Variants in UNC45B observed in about 807,000 individuals in gnomAD.
The protein encoded by UNC45B is protein unc-45 homolog B.
A neutral mutation model predicts 98.7 loss-of-function variants in UNC45B; 78 were observed. That is an observed-to-expected ratio of 0.79 (90% CI 0.66 to 0.95). The LOEUF is 0.95. UNC45B is among the 40% of genes least tolerant of loss of function. The pLI is 0.00. For missense variants in UNC45B, 1,225 were observed against 1,184.9 expected (o/e 1.03, Z -0.50); for synonymous variants, 462 against 480.4 (o/e 0.96, Z 0.50).
intron 2 of UNC45B, 124 bp downstream of exon 2, chr17:35,148,555 T>G: frequency 8.7e-7 from 1 of 1,152,334 alleles, no homozygotes; most frequent in East Asian, 2.6e-5. Context: ...TGCCTGGGGT[T>G]GGAGAAGGGT....
chr17:35,168,808 G>A (rs1354028285), intron 10 of UNC45B, among the ~76,000 whole-genome samples: 2 of 152,018 alleles, frequency 1.3e-5, no homozygotes, highest in East Asian at 1.9e-4. Flanking sequence ...CCAGGTTCAG[G>A]TGACTCTTGT....
Position 35,169,920 on chromosome 17 carries a change from A to G in UNC45B, c.1536A>G (p.Lys512=). Residue 512 remains lysine, a synonymous_variant, in exon 11 of 20, where the codon AAA becomes AAG. Transcript: ENST00000394570. ...FAEGSTEKLA[K]QCRKWLCNMS... ...AAGGGTCGACAGAAAAACTGGCCAA[A>G]CAGTGTCGCAAGTAAGGGGGCTGTG... 1 of 1,614,112 alleles carries G rather than the reference A, an allele frequency of 6.2e-7. No individual in the cohort carries two copies. The highest frequency in any genetic ancestry group is 8.5e-7 in the Non-Finnish European group (1 of 1,179,990).
chr17:35,152,641 T>A (rs2092028603), intron 4 of UNC45B, among the ~76,000 whole-genome samples: 1 of 152,262 alleles, frequency 6.6e-6, no homozygotes, highest in Non-Finnish European at 1.5e-5. Context: ...ACTATTGTGA[T>A]GTCTAAATGG....
In UNC45B at chr17:35,150,199, A is replaced by T; in HGVS notation, c.357A>T (p.Arg119Ser). The T allele has an allele frequency of 6.2e-7, 1 of 1,612,152 alleles. No homozygotes were observed. Among genetic ancestry groups the T allele is most frequent in the Non-Finnish European group, 8.5e-7 (1 of 1,179,000 alleles). ...AGAACTTCCAGGAGATGCTGAGGAG[A>T]CTCAACACCAGCATTCAGGAGAAGG... ...RNQNFQEMLR[R>S]LNTSIQEKLR... Residue 119 changes from arginine (R) to serine (S), a missense_variant, in exon 4 of 20, where the codon AGA becomes AGT. By Grantham distance (110) the Arg-to-Ser change is moderately radical. Transcript: ENST00000394570.
chr17:35,159,685 A>C, intron 8 of UNC45B, 140 bp downstream of exon 8: 1 of 947,370 alleles, frequency 1.1e-6, no homozygotes, highest in South Asian at 1.9e-5. Flanking sequence ...TTGGCCCATC[A>C]GGATCCACCA....
At chr17:35,184,000 C>T (rs927474101) in intron 19 of UNC45B, among the ~76,000 whole-genome samples, 3 of 152,322 alleles carry the variant, frequency 2.0e-5, no homozygotes, top group Non-Finnish European at 4.4e-5. Flanking sequence ...TCCTATGAGA[C>T]TGTGGCCATT....
intron 18 of UNC45B, among the ~76,000 whole-genome samples, chr17:35,182,778 C>T (rs1597937942): frequency 6.6e-6 from 1 of 152,056 alleles, no homozygotes; most frequent in South Asian, 2.1e-4. Flanking sequence ...TGGAGTTCCA[C>T]TTCTAGGAAA....
chr17:35,177,122 G>A lies in UNC45B; in HGVS notation c.2131G>A (p.Gly711Arg), dbSNP rs770178472. The A allele has an allele frequency of 6.8e-6, 11 of 1,614,056 alleles. No individual in the cohort carries two copies. In the Admixed American group the frequency reaches 1.8e-4, roughly 27 times the overall value. Residue 711 changes from glycine to arginine, a missense_variant, in exon 16 of 20, where the codon GGG (glycine) becomes AGG (arginine). Transcript: ENST00000394570. Reference protein sequence around the residue: ...AVSNPDIAFPGERVYEVVRPL... With the variant: ...AVSNPDIAFPRERVYEVVRPL... Reference sequence around the variant, plus strand: ...CTCCAATCCGGACATTGCTTTTCCTGGGGAGCGGGTAGGTGCTTGGGTAGA... The same window carrying A: ...CTCCAATCCGGACATTGCTTTTCCTAGGGAGCGGGTAGGTGCTTGGGTAGA...
intron 7 of UNC45B, among the ~76,000 whole-genome samples, chr17:35,159,138 T>C (rs2092083770): frequency 6.6e-6 from 1 of 152,166 alleles, no homozygotes; most frequent in Non-Finnish European, 1.5e-5. Flanking sequence ...AAGGATGGAA[T>C]GAGCTGTTGT....
In UNC45B at chr17:35,168,208, G is replaced by A; in HGVS notation, c.1299G>A (p.Glu433=). ...MEMMVALCGS[E]RETDQLVAVE... is the part of the protein sequence containing the mutation. Reference sequence around the variant, plus strand: ...TGATGGTGGCACTATGTGGCTCAGAGCGCGAGACGGACCAGCTGGTGGCCG... The same window carrying A: ...TGATGGTGGCACTATGTGGCTCAGAACGCGAGACGGACCAGCTGGTGGCCG... The change falls in exon 10 of 20, where the codon GAG becomes GAA. Residue 433 remains glutamate, a synonymous_variant. Transcript: ENST00000394570. 1 of 1,598,752 alleles carries A rather than the reference G, an allele frequency of 6.3e-7. No homozygotes were observed. The highest frequency in any genetic ancestry group is 8.5e-7 in the Non-Finnish European group (1 of 1,171,890).
rs2142567952 is a variant in UNC45B, at chr17:35,170,053, G to A, written c.1548-61G>A. 8 of 1,601,388 alleles carry A rather than the reference G, an allele frequency of 5.0e-6. No individual in the cohort carries two copies. In the East Asian group the frequency reaches 6.7e-5, roughly 13 times the overall value. On this transcript the variant is annotated intron_variant, in intron 11 of 19. Transcript: ENST00000394570. ...ACCCCTGGTTCACCACCCTGAAATC[G>A]CTTCACCCTCTTGACCTAGCCCTGG...
intron 10 of UNC45B, 43 bp downstream of exon 10, chr17:35,168,404 C>A: frequency 7.7e-7 from 1 of 1,306,408 alleles, no homozygotes. Flanking sequence ...TACAAGGTGC[C>A]ATGCCAGGCA....
chr17:35,158,939 A>C (rs1360457704), intron 7 of UNC45B, among the ~76,000 whole-genome samples: 2 of 152,236 alleles, frequency 1.3e-5, no homozygotes, highest in Admixed American at 6.5e-5. Flanking sequence ...CCGGCGTCAC[A>C]GGCAAAAGCT....
chr17:35,166,086 T>TAAAAAAAAAAAAAAAAAAAAGAAAA (rs2092137617), intron 9 of UNC45B, among the ~76,000 whole-genome samples: 1 of 58,116 alleles, frequency 1.7e-5, no homozygotes, highest in Non-Finnish European at 3.0e-5. Context: ...CCCTCATCTC[T>TAAAAAAAAAAAAAAAAAAAAGAAAA]AAAAAAAAAA....
chr17:35,171,312 T>A lies in UNC45B; in HGVS notation c.1690-10T>A. On this transcript the variant is annotated splice_polypyrimidine_tract_variant and intron_variant, in intron 12 of 19. Transcript: ENST00000394570. ...TCTGCTTTCCCTCTCCCCAACCCTG[T>A]GCCTTCCAGACCAGTGACAAGACCA... 1 of 1,613,440 alleles carries A rather than the reference T, an allele frequency of 6.2e-7. No homozygotes were observed. Among genetic ancestry groups the A allele is most frequent in the Non-Finnish European group, 8.5e-7 (1 of 1,179,620 alleles).
At position 35,166,438 on chromosome 17, in the gene UNC45B, T is replaced by A. The variant is rs115843374; in HGVS notation, c.1152-1623T>A. Among the ~76,000 whole-genome samples, 1,136 of 152,244 alleles carry A rather than the reference T, an allele frequency of 7.5e-3. 21 individuals carry two copies. The highest frequency in any genetic ancestry group is 0.026 in the African/African-American group (1,085 of 41,530). On this transcript the variant is annotated intron_variant, in intron 9 of 19. Transcript: ENST00000394570. ...TCCTGCTGACTTCTTGAGTCCCTCA[T>A]GAGGTCCCCAACTGACTCCCATTAC... is the stretch of plus-strand genomic sequence containing the variant.
At position 35,171,456 on chromosome 17, in the gene UNC45B, C is replaced by A; in HGVS notation, c.1824C>A (p.His608Gln). ...KFSKQHVPEE[H>Q]PKDKKDFIDM... ...CCAAGCAGCATGTGCCCGAGGAACA[C>A]CCCAAGGTAGGGTCAGGCGCGACCC... is the stretch of plus-strand genomic sequence containing the variant. Residue 608 changes from histidine to glutamine, a missense_variant, in exon 13 of 20, where the codon CAC (histidine) becomes CAA (glutamine). Coordinates refer to ENST00000394570, the MANE Select transcript of UNC45B (RefSeq NM_001267052.2). 1 of 1,614,038 alleles carries A rather than the reference C, an allele frequency of 6.2e-7. No individual in the cohort carries two copies. The highest frequency in any genetic ancestry group is 8.5e-7 in the Non-Finnish European group (1 of 1,179,954).
chr17:35,175,945 C>T (rs769687879), intron 14 of UNC45B, 23 bp from the exon 15 acceptor site: 5 of 1,612,168 alleles, frequency 3.1e-6, no homozygotes, highest in Non-Finnish European at 8.5e-7. Flanking sequence ...ATTAACTGTT[C>T]TCCTTTCTTC....
At chr17:35,170,404 A>G (rs941739747) in intron 12 of UNC45B, 149 bp downstream of exon 12, 3 of 990,942 alleles carry the variant, frequency 3.0e-6, no homozygotes, top group Non-Finnish European at 4.1e-6. Flanking sequence ...TCTGGCCCTC[A>G]TTTTACCTGA....
Sources: gnomAD v4.1 joint callset for allele counts (sites outside exome capture counted in the v4.1 genomes callset) on GRCh38, gnomAD v4.1.1 for gene constraint, MANE v1.5 for transcripts, NCBI Gene and HGNC (gene_info 2026-07-23, HGNC 2026-07-21) for gene names.